Variants in RASGRF2 observed in about 807,000 individuals in gnomAD.
RASGRF2 encodes Ras protein specific guanine nucleotide releasing factor 2, also known as ras-specific guanine nucleotide-releasing factor 2.
Under a neutral mutation model 151.0 loss-of-function variants are expected in RASGRF2, and 76 were observed. That is an observed-to-expected ratio of 0.50 (90% CI 0.42 to 0.61). The LOEUF (loss-of-function observed/expected upper bound fraction) is 0.61, where lower values mean the gene tolerates loss of function less well. RASGRF2 is among the 20% of genes least tolerant of loss of function. RASGRF2 has a pLI of 0.00. For missense variants in RASGRF2, 1,148 were observed against 1,564.6 expected, an observed-to-expected ratio of 0.73 and a Z score of 4.49; for synonymous variants, 504 against 566.5, an observed-to-expected ratio of 0.89 and a Z score of 1.57.
chr5:81,206,895 T>C lies in RASGRF2; in HGVS notation c.2957T>C (p.Ile986Thr). The change falls in exon 20 of 27, where the codon ATA becomes ACA. Residue 986 changes from isoleucine to threonine, a missense_variant. This residue lies in a region of RASGRF2 where 646 missense variants were observed against 807.4 expected (regional missense o/e 0.80). Transcript: ENST00000265080. ...QDDIHLKLED[I>T]IQMTDCMKAE... ...GACATCCACCTAAAATTAGAGGATATAATTCAAATGGTAAGTCTGACCACA... is the reference window on the plus strand; with the variant it reads ...GACATCCACCTAAAATTAGAGGATACAATTCAAATGGTAAGTCTGACCACA... The C allele has an allele frequency of 2.5e-6, 4 of 1,607,876 alleles. No homozygotes were observed. Among genetic ancestry groups the C allele is most frequent in the Non-Finnish European group, 3.4e-6 (4 of 1,174,260 alleles).
intron 1 of RASGRF2, among the ~76,000 whole-genome samples, chr5:81,014,427 A>G (rs367908258): frequency 2.0e-5 from 3 of 152,324 alleles, no homozygotes; most frequent in South Asian, 2.1e-4. Context: ...CTTGTGCAGA[A>G]GAATGCCTCC....
intron 2 of RASGRF2, among the ~76,000 whole-genome samples, chr5:81,045,298 C>T (rs1750801391): frequency 1.3e-5 from 2 of 152,198 alleles, no homozygotes; most frequent in South Asian, 4.1e-4. Context: ...AGAGCAGGCA[C>T]CATCAGTAGC....
intron 5 of RASGRF2, among the ~76,000 whole-genome samples, chr5:81,074,822 A>T (rs1183730703): frequency 6.6e-6 from 1 of 152,154 alleles, no homozygotes; most frequent in Non-Finnish European, 1.5e-5. Context: ...TGAGGCAAGC[A>T]GAGGGAGCTG....
intron 13 of RASGRF2, among the ~76,000 whole-genome samples, chr5:81,109,799 A>G (rs1436491154): frequency 6.6e-6 from 1 of 152,216 alleles, no homozygotes; most frequent in Admixed American, 6.5e-5. Flanking sequence ...CCACTTACAT[A>G]CAGACCAGGA....
rs113085381 is a variant in RASGRF2, at chr5:81,141,534, A to C, written c.2686+14371A>C. Among the ~76,000 whole-genome samples the C allele has an allele frequency of 7.5e-3, 1,147 of 152,308 alleles. 11 individuals are homozygous for C. The highest frequency in any genetic ancestry group is 0.013 in the South Asian group (63 of 4,828). ...TGAGCCTCAGATCTCTCCACTGCTA[A>C]ACTGCTGCTTTCTTTGCCCTGATAT... is the stretch of plus-strand genomic sequence containing the variant. On this transcript the variant is annotated intron_variant, in intron 17 of 26. Transcript: ENST00000265080.
chr5:80,993,086 A>G (rs1331537580), intron 1 of RASGRF2, among the ~76,000 whole-genome samples: 2 of 152,124 alleles, frequency 1.3e-5, no homozygotes, highest in African/African-American at 2.4e-5. Context: ...TTGTGGGGCC[A>G]TTTTTCAATC....
chr5:81,217,296 G>T, intron 24 of RASGRF2, 60 bp from the exon 25 acceptor site: 2 of 1,526,542 alleles, frequency 1.3e-6, no homozygotes, highest in Non-Finnish European at 8.8e-7. Flanking sequence ...TGTTTAATTT[G>T]GGGAGGGAAA....
chr5:81,215,885 C>T lies in RASGRF2; in HGVS notation c.3364C>T (p.Leu1122=). 6.5e-7 allele frequency: 1 copy of T among 1,542,194 alleles called. No individual in the cohort carries two copies. Among genetic ancestry groups the T allele is most frequent in the East Asian group, 2.4e-5 (1 of 41,728 alleles). The change falls in exon 24 of 27, where the codon CTA becomes TTA. Residue 1122 remains leucine, a synonymous_variant. Coordinates refer to ENST00000265080, the MANE Select transcript of RASGRF2 (RefSeq NM_006909.3). ...WAKVSKQTKA[L]MDKLQKTVSS... ...TTTCTTTTCTTTTTAGACAAAAGCT[C>T]TAATGGACAAACTTCAAAAGACTGT...
At chr5:81,016,051 CTCAG>C (rs1401196254) in intron 1 of RASGRF2, among the ~76,000 whole-genome samples, 1 of 152,170 alleles carries the variant, frequency 6.6e-6, no homozygotes, top group Non-Finnish European at 1.5e-5. Flanking sequence ...CATATGTGCG[CTCAG>C]TCAGTGGCTC....
intron 26 of RASGRF2, among the ~76,000 whole-genome samples, chr5:81,222,750 G>A (rs967884696): frequency 1.3e-5 from 2 of 150,972 alleles, no homozygotes; most frequent in African/African-American, 4.8e-5. Flanking sequence ...AGACAAGGTT[G>A]TGACCATCAC....
In RASGRF2 at chr5:81,171,902, G is replaced by T. The variant is rs995528802; in HGVS notation, c.2687-8273G>T. 6.6e-5 allele frequency among the ~76,000 whole-genome samples: 10 copies of T among 152,256 alleles called. No homozygotes were observed. The East Asian group carries it at 1.9e-3, about 29-fold the overall frequency. On this transcript the variant is annotated intron_variant, in intron 17 of 26. Coordinates refer to ENST00000265080, the MANE Select transcript of RASGRF2 (RefSeq NM_006909.3). ...GTCACCTTCCGCCTTTTTCCTGGCA[G>T]TATATTCTTGTTGCATTTCTATACG...
At chr5:81,135,362 T>C (rs2112588682) in intron 17 of RASGRF2, among the ~76,000 whole-genome samples, 1 of 152,086 alleles carries the variant, frequency 6.6e-6, no homozygotes, top group South Asian at 2.1e-4. Context: ...ATTCCCAGAG[T>C]TGGGCAACAG....
intron 17 of RASGRF2, among the ~76,000 whole-genome samples, chr5:81,174,860 G>T (rs1754739020): frequency 6.6e-6 from 1 of 152,286 alleles, no homozygotes; most frequent in South Asian, 2.1e-4. Context: ...TTTAATAGTG[G>T]TGTCATGCTC....
At chr5:81,013,375 C>T (rs904293662) in intron 1 of RASGRF2, among the ~76,000 whole-genome samples, 3 of 152,138 alleles carry the variant, frequency 2.0e-5, no homozygotes, top group African/African-American at 4.8e-5. Context: ...TTCTGTTACT[C>T]GGACATATCT....
chr5:81,058,600 G>T (rs1751306620), intron 2 of RASGRF2, among the ~76,000 whole-genome samples: 1 of 151,836 alleles, frequency 6.6e-6, no homozygotes, highest in Non-Finnish European at 1.5e-5. Flanking sequence ...GAAGAATAAG[G>T]AGCCATGCAT....
At chr5:81,081,488 GA>G (rs1752084756) in intron 7 of RASGRF2, among the ~76,000 whole-genome samples, 1 of 152,194 alleles carries the variant, frequency 6.6e-6, no homozygotes, top group Non-Finnish European at 1.5e-5. Context: ...GAGAACCAGG[GA>G]GGCCAAAATG....
Position 81,005,299 on chromosome 5 carries a change from T to C in RASGRF2, c.289-37578T>C, listed in dbSNP as rs188752571. On this transcript the variant is annotated intron_variant, in intron 1 of 26. Transcript: ENST00000265080. Reference sequence around the variant, plus strand: ...CATGGCGGAAGGGGAAGCAAACATGTCCTTCTTCATGCTGGCAGGAAGAAG... The same window carrying C: ...CATGGCGGAAGGGGAAGCAAACATGCCCTTCTTCATGCTGGCAGGAAGAAG... Among the ~76,000 whole-genome samples, 183 of 152,238 alleles carry C rather than the reference T, an allele frequency of 1.2e-3. 2 individuals are homozygous for C. Among genetic ancestry groups the C allele is most frequent in the African/African-American group, 4.3e-3 (180 of 41,564 alleles).
At chr5:81,168,280 T>G (rs10474654) in intron 17 of RASGRF2, among the ~76,000 whole-genome samples, 1 of 145,838 alleles carries the variant, frequency 6.9e-6, no homozygotes, top group Admixed American at 7.0e-5. Flanking sequence ...ATCATTCCTA[T>G]AGCATGCCAG....
At chr5:81,057,033 A>C (rs964059091) in intron 2 of RASGRF2, among the ~76,000 whole-genome samples, 21 of 152,112 alleles carry the variant, frequency 1.4e-4, no homozygotes, top group African/African-American at 4.8e-4. Context: ...TCTGCACATG[A>C]GATGGGTCTC....
Sources: gnomAD v4.1 joint callset for allele counts (sites outside exome capture counted in the v4.1 genomes callset) on GRCh38, gnomAD v4.1.1 for gene constraint, gnomAD v4.1.1 regional missense constraint, MANE v1.5 for transcripts, NCBI Gene and HGNC (gene_info 2026-07-23, HGNC 2026-07-21) for gene names.